Variants in GAP43 observed in about 807,000 individuals in gnomAD.
The protein encoded by GAP43 is growth associated protein 43.
Under a neutral mutation model 18.6 loss-of-function variants are expected in GAP43, and 6 were observed. The ratio of observed to expected loss-of-function variants is 0.32; its 90% confidence interval spans 0.18 to 0.64. The LOEUF (loss-of-function observed/expected upper bound fraction) is 0.64. Ranked by LOEUF, GAP43 falls within the 30% of genes least tolerant of loss-of-function variation. The pLI, the probability that GAP43 is intolerant of heterozygous loss-of-function variation, is 0.78. For missense variants in GAP43, 292 were observed against 295.5 expected, an observed-to-expected ratio of 0.99 and a Z score of 0.09; for synonymous variants, 115 against 111.4, an observed-to-expected ratio of 1.03 and a Z score of -0.20.
At chr3:115,692,545 G>A (rs1709127915) in intron 2 of GAP43, among the ~76,000 whole-genome samples, 1 of 152,208 alleles carries the variant, frequency 6.6e-6, no homozygotes, top group Non-Finnish European at 1.5e-5. Flanking sequence ...GTCTGTAGTT[G>A]TGGCAAAGGA....
intron 1 of GAP43, among the ~76,000 whole-genome samples, chr3:115,639,635 T>C (rs1197554188): frequency 6.6e-6 from 1 of 152,062 alleles, no homozygotes; most frequent in Non-Finnish European, 1.5e-5. Flanking sequence ...CCCTTTATTA[T>C]GGGGGAAGTA....
chr3:115,687,724 T>A (rs1709053284), intron 2 of GAP43, among the ~76,000 whole-genome samples: 1 of 152,166 alleles, frequency 6.6e-6, no homozygotes, highest in Admixed American at 6.5e-5. Flanking sequence ...CCAAACTATT[T>A]CGTGATCTTG....
intron 1 of GAP43, among the ~76,000 whole-genome samples, chr3:115,665,961 A>T (rs1576987550): frequency 6.6e-6 from 1 of 151,284 alleles, no homozygotes; most frequent in East Asian, 2.0e-4. Flanking sequence ...AATGGGATAG[A>T]TACTGTATAT....
chr3:115,624,036 G>A (rs1239833423), intron 1 of GAP43, among the ~76,000 whole-genome samples: 1 of 152,048 alleles, frequency 6.6e-6, no homozygotes, highest in Non-Finnish European at 1.5e-5. Context: ...GTAGAAAGGG[G>A]TGTGGGGGAG....
At chr3:115,674,654 TC>T (rs1421264663) in intron 1 of GAP43, among the ~76,000 whole-genome samples, 1 of 152,214 alleles carries the variant, frequency 6.6e-6, no homozygotes, top group Non-Finnish European at 1.5e-5. Flanking sequence ...AAACAGTGTT[TC>T]CCATCATTTT....
At chr3:115,645,025 C>T (rs981503292) in intron 1 of GAP43, among the ~76,000 whole-genome samples, 4 of 151,920 alleles carry the variant, frequency 2.6e-5, no homozygotes, top group Admixed American at 6.6e-5. Context: ...TTAAAATGTA[C>T]GTATTGTTGG....
intron 1 of GAP43, among the ~76,000 whole-genome samples, chr3:115,648,969 G>T (rs559895603): frequency 6.6e-6 from 1 of 152,218 alleles, no homozygotes; most frequent in South Asian, 2.1e-4. Context: ...GAGTAGTGAG[G>T]ATGAAAGCCA....
intron 1 of GAP43, among the ~76,000 whole-genome samples, chr3:115,624,210 G>C (rs1413797466): frequency 6.6e-6 from 1 of 152,098 alleles, no homozygotes; most frequent in African/African-American, 2.4e-5. Context: ...CATGAGCTTC[G>C]AAGGGGCGCA....
chr3:115,626,006 G>A (rs901861562), intron 1 of GAP43, among the ~76,000 whole-genome samples: 2 of 152,194 alleles, frequency 1.3e-5, no homozygotes, highest in Non-Finnish European at 2.9e-5. Context: ...AACCACTGTT[G>A]TGTATCATTC....
At chr3:115,717,791 G>T (rs1426680985) in intron 2 of GAP43, among the ~76,000 whole-genome samples, 1 of 151,432 alleles carries the variant, frequency 6.6e-6, no homozygotes, top group Admixed American at 6.6e-5. Flanking sequence ...AAGCATTTGA[G>T]AAAATGAATA....
chr3:115,632,838 T>G (rs1708276870), intron 1 of GAP43, among the ~76,000 whole-genome samples: 1 of 152,080 alleles, frequency 6.6e-6, no homozygotes, highest in Non-Finnish European at 1.5e-5. Context: ...AATGATTTCT[T>G]TAATTATATT....
At chr3:115,720,199 C>T (rs1446670639) in intron 2 of GAP43, among the ~76,000 whole-genome samples, 2 of 152,154 alleles carry the variant, frequency 1.3e-5, no homozygotes, top group Non-Finnish European at 2.9e-5. Context: ...CACAAGGCAG[C>T]TGCTACAGTG....
chr3:115,675,946 A>G, intron 1 of GAP43, 67 bp from the exon 2 acceptor site: 3 of 1,527,364 alleles, frequency 2.0e-6, no homozygotes, highest in African/African-American at 1.4e-5. Flanking sequence ...ATACTTGTTG[A>G]ATGCTGAGAT....
At chr3:115,666,385 A>G (rs1364442975) in intron 1 of GAP43, among the ~76,000 whole-genome samples, 1 of 152,184 alleles carries the variant, frequency 6.6e-6, no homozygotes, top group East Asian at 1.9e-4. Flanking sequence ...GATGATACCT[A>G]CAATCATCAG....
At chr3:115,631,181 C>T (rs1482084495) in intron 1 of GAP43, among the ~76,000 whole-genome samples, 1 of 152,154 alleles carries the variant, frequency 6.6e-6, no homozygotes, top group African/African-American at 2.4e-5. Context: ...ATTTCCTATC[C>T]TTAATTATTT....
At chr3:115,648,280 A>C (rs1308326796) in intron 1 of GAP43, among the ~76,000 whole-genome samples, 1 of 151,984 alleles carries the variant, frequency 6.6e-6, no homozygotes, top group Non-Finnish European at 1.5e-5. Flanking sequence ...GGTAGACCCT[A>C]TCTGATATGC....
intron 2 of GAP43, among the ~76,000 whole-genome samples, chr3:115,708,002 CACACACACACACATAT>C (rs1471834385): frequency 9.0e-5 from 3 of 33,158 alleles, no homozygotes; most frequent in African/African-American, 2.1e-4. Context: ...CACACACACA[CACACACACACACATAT>C]ATATATACAC....
intron 1 of GAP43, among the ~76,000 whole-genome samples, chr3:115,659,325 C>T (rs945783250): frequency 5.9e-5 from 9 of 152,012 alleles, no homozygotes; most frequent in African/African-American, 1.9e-4. Context: ...TTTGAACTTT[C>T]CATTTCTCAC....
chr3:115,717,444 G>A (rs1057047745), intron 2 of GAP43, among the ~76,000 whole-genome samples: 2 of 151,982 alleles, frequency 1.3e-5, no homozygotes, highest in East Asian at 1.9e-4. Flanking sequence ...CTAGTAGCTG[G>A]GATTATAGGC....
Sources: gnomAD v4.1 joint callset for allele counts (sites outside exome capture counted in the v4.1 genomes callset) on GRCh38, gnomAD v4.1.1 for gene constraint, MANE v1.5 for transcripts, NCBI Gene and HGNC (gene_info 2026-07-23, HGNC 2026-07-21) for gene names.